RABGAP1: variants seen among roughly 807,000 people sequenced by gnomAD.
RABGAP1 encodes the protein rab GTPase-activating protein 1.
Under a neutral mutation model 137.6 loss-of-function variants are expected in RABGAP1, and 23 were observed. The observed-to-expected ratio is 0.17, with a 90% CI of 0.12 to 0.24. The LOEUF is 0.24. Among genes scored for constraint, RABGAP1 ranks in the 10% least tolerant of loss-of-function variants. The pLI is 1.00. For synonymous variants in RABGAP1, 451 were observed against 450.7 expected (o/e 1.00, Z -0.01); for missense variants, 906 against 1,275.8 (o/e 0.71, Z 4.42).
At chr9:123,011,028 ATC>A (rs925230905) in intron 11 of RABGAP1, among the ~76,000 whole-genome samples, 65 of 151,560 alleles carry the variant, frequency 4.3e-4, no homozygotes, top group African/African-American at 1.5e-3. Flanking sequence ...TTCTGGCTAA[ATC>A]TATTGAATTA....
intron 21 of RABGAP1, among the ~76,000 whole-genome samples, chr9:123,091,762 C>T (rs896436846): frequency 1.6e-4 from 25 of 152,092 alleles, no homozygotes; most frequent in Admixed American, 1.6e-3. Flanking sequence ...AGGTCATTAG[C>T]CCTCAATGAC....
chr9:123,035,612 T>G, intron 13 of RABGAP1: 1 of 1,572,630 alleles, frequency 6.4e-7, no homozygotes, highest in Non-Finnish European at 8.6e-7. Context: ...GGATGTCATA[T>G]CTGAAGTGGC....
At chr9:122,995,630 G>T (rs570617768) in intron 6 of RABGAP1, among the ~76,000 whole-genome samples, 1 of 147,820 alleles carries the variant, frequency 6.8e-6, no homozygotes, top group South Asian at 2.1e-4. Context: ...GTGTAGTGGC[G>T]CAAACTTGGC....
chr9:122,986,140 G>T (rs968509876), intron 3 of RABGAP1, 75 bp from the exon 4 acceptor site: 1 of 1,398,380 alleles, frequency 7.2e-7, no homozygotes, highest in Non-Finnish European at 1.0e-6. Context: ...GTTACTTGCA[G>T]ATTTTTACTT....
intron 6 of RABGAP1, among the ~76,000 whole-genome samples, chr9:122,993,329 T>C (rs1836843466): frequency 6.6e-6 from 1 of 152,142 alleles, no homozygotes; most frequent in African/African-American, 2.4e-5. Flanking sequence ...TGGAGTGCAA[T>C]GGCGTGATCT....
chr9:122,964,070 G>C (rs996413164), intron 2 of RABGAP1, among the ~76,000 whole-genome samples: 1 of 152,140 alleles, frequency 6.6e-6, no homozygotes, highest in Non-Finnish European at 1.5e-5. Context: ...GATTGAATTA[G>C]TAATCAAAAA....
intron 13 of RABGAP1, among the ~76,000 whole-genome samples, chr9:123,038,767 T>C (rs2032801065): frequency 6.6e-6 from 1 of 151,402 alleles, no homozygotes; most frequent in Non-Finnish European, 1.5e-5. Context: ...ATATTATTAA[T>C]ATTATGTTGC....
chr9:123,034,642 A>G, intron 13 of RABGAP1: 2 of 1,613,796 alleles, frequency 1.2e-6, no homozygotes, highest in Non-Finnish European at 8.5e-7. Flanking sequence ...GGAAACTGTC[A>G]ATTTTTGCCT....
At chr9:123,069,948 C>T (rs1361481040) in intron 14 of RABGAP1, among the ~76,000 whole-genome samples, 1 of 152,080 alleles carries the variant, frequency 6.6e-6, no homozygotes, top group Non-Finnish European at 1.5e-5. Context: ...TAGCAGGTGC[C>T]ATAGAGGCAG....
Position 122,943,669 on chromosome 9 carries a change from G to A in RABGAP1, c.-50+2576G>A, listed in dbSNP as rs116595563. Among the ~76,000 whole-genome samples, 1,344 of 152,220 alleles carry A rather than the reference G, an allele frequency of 8.8e-3. 16 individuals carry two copies. Among genetic ancestry groups the A allele is most frequent in the African/African-American group, 0.031 (1,270 of 41,550 alleles). The stretch of plus-strand genomic sequence containing the variant: ...AGCCCAGCTTCTTTTAAAGAAGTCT[G>A]TTGGCTGGGCGCGGTGGCTCACGCC... On this transcript the variant is annotated intron_variant, in intron 1 of 25. Transcript: ENST00000373647.
At chr9:123,019,591 A>T (rs972385529) in intron 12 of RABGAP1, among the ~76,000 whole-genome samples, 5 of 152,166 alleles carry the variant, frequency 3.3e-5, no homozygotes, top group Non-Finnish European at 7.3e-5. Flanking sequence ...GTGGAACTAC[A>T]TGAGTCACCA....
intron 21 of RABGAP1, 143 bp downstream of exon 21, chr9:123,090,528 C>A (rs568144005): frequency 1.6e-6 from 1 of 606,178 alleles, no homozygotes; most frequent in East Asian, 3.1e-5. Context: ...GTCAGTGTCA[C>A]TTCCCTCCTT....
At chr9:122,978,378 T>G (rs1361151390) in intron 2 of RABGAP1, among the ~76,000 whole-genome samples, 1 of 152,234 alleles carries the variant, frequency 6.6e-6, no homozygotes, top group Non-Finnish European at 1.5e-5. Flanking sequence ...CTTAGTAGTA[T>G]TCCATTTTAT....
upstream of RABGAP1, chr9:122,940,096 G>A (rs1317538337): frequency 6.6e-6 from 1 of 152,284 alleles, no homozygotes; most frequent in African/African-American, 2.4e-5. Context: ...GAGCCCAGGA[G>A]TTCGAGGGTG....
intron 2 of RABGAP1, among the ~76,000 whole-genome samples, chr9:122,982,259 A>G (rs984272876): frequency 1.3e-5 from 2 of 152,216 alleles, no homozygotes; most frequent in Non-Finnish European, 2.9e-5. Context: ...AGGAAGAGTT[A>G]AGGACATTGA....
chr9:123,083,933 A>T lies in RABGAP1; in HGVS notation c.2425-5825A>T, dbSNP rs2034790764. Among the ~76,000 whole-genome samples, 4 of 152,184 alleles carry T rather than the reference A, an allele frequency of 2.6e-5. No individual in the cohort carries two copies. The South Asian group carries it at 8.3e-4, about 32-fold the overall frequency. On this transcript the variant is annotated intron_variant, in intron 19 of 25. Coordinates refer to ENST00000373647, the MANE Select transcript of RABGAP1 (RefSeq NM_012197.4). ...AGTTCAAGTCAACAAACGCTTGTAG[A>T]TTTTCTTATGTGTTCAGCACTGAGC... is the stretch of plus-strand genomic sequence containing the variant.
intron 14 of RABGAP1, among the ~76,000 whole-genome samples, chr9:123,067,814 T>C (rs2034225848): frequency 6.6e-6 from 1 of 152,228 alleles, no homozygotes; most frequent in South Asian, 2.1e-4. Flanking sequence ...ATTTTCCAAA[T>C]GTATCATATA....
intron 19 of RABGAP1, among the ~76,000 whole-genome samples, chr9:123,081,874 C>A (rs144325414): frequency 6.6e-6 from 1 of 152,184 alleles, no homozygotes; most frequent in Non-Finnish European, 1.5e-5. Context: ...CCAAGTCATA[C>A]CAGCTGTATA....
chr9:123,056,599 C>T (rs550458438), intron 13 of RABGAP1, among the ~76,000 whole-genome samples: 44 of 150,378 alleles, frequency 2.9e-4, no homozygotes, highest in African/African-American at 9.1e-4. Flanking sequence ...ACAAAGGTCT[C>T]TGGTTTTCCT....
Sources: allele counts gnomAD v4.1 joint callset (sites outside exome capture counted in the v4.1 genomes callset), GRCh38; gene constraint gnomAD v4.1.1; transcripts MANE v1.5; gene names NCBI Gene and HGNC (gene_info 2026-07-23, HGNC 2026-07-21).